N4BP2: variants seen among roughly 807,000 people sequenced by gnomAD.
N4BP2 encodes NEDD4 binding protein 2, also known as NEDD4-binding protein 2.
N4BP2 carries 91 observed loss-of-function variants against 152.8 expected under a neutral mutation model. That is an observed-to-expected ratio of 0.60 (90% CI 0.50 to 0.71). The LOEUF (loss-of-function observed/expected upper bound fraction) is 0.71, where lower values mean the gene tolerates loss of function less well. Ranked by LOEUF, N4BP2 falls within the 30% of genes least tolerant of loss-of-function variation. The pLI, the probability that N4BP2 is intolerant of heterozygous loss-of-function variation, is 0.00. For missense variants in N4BP2, 1,923 were observed against 2,059.1 expected (o/e 0.93, Z 1.28); for synonymous variants, 646 against 705.3 (o/e 0.92, Z 1.33).
At chr4:40,116,406 AT>A (rs1225852961) in intron 7 of N4BP2, among the ~76,000 whole-genome samples, 3 of 151,798 alleles carry the variant, frequency 2.0e-5, no homozygotes, top group African/African-American at 7.3e-5. Context: ...ATGTAGTTGG[AT>A]TTTTTTCCTA....
At chr4:40,170,630 C>CTCCAT in the N4BP2 span, among the ~76,000 whole-genome samples, 1 of 152,008 alleles carries the variant, frequency 6.6e-6, no homozygotes, top group Admixed American at 6.6e-5. Flanking sequence ...CCAAGTGAGA[C>CTCCAT]CCTGTCCCCC....
At chr4:40,173,349 A>G in the N4BP2 span, among the ~76,000 whole-genome samples, 1 of 152,296 alleles carries the variant, frequency 6.6e-6, no homozygotes, top group African/African-American at 2.4e-5. Flanking sequence ...ATGTAGTTGG[A>G]TGAAGATGAG....
At chr4:40,076,613 C>T (rs886633988) in intron 2 of N4BP2, among the ~76,000 whole-genome samples, 2 of 152,042 alleles carry the variant, frequency 1.3e-5, no homozygotes, top group Admixed American at 6.5e-5. Flanking sequence ...CTCAGCCTCC[C>T]GAGTAGCTGG....
At chr4:40,067,195 A>C in intron 1 of N4BP2, among the ~76,000 whole-genome samples, 1 of 151,502 alleles carries the variant, frequency 6.6e-6, no homozygotes, top group Non-Finnish European at 1.5e-5. Flanking sequence ...AGTAGCTGGA[A>C]CCACAGGTGT....
intron 6 of N4BP2, 56 bp downstream of exon 6, chr4:40,112,228 A>T: frequency 1.0e-6 from 1 of 974,134 alleles, no homozygotes; most frequent in African/African-American, 1.7e-5. Flanking sequence ...TTATTGGGGA[A>T]CATTAATTAT....
Position 40,102,881 on chromosome 4 carries a change from G to A in N4BP2, c.1036G>A (p.Val346Ile). ...GGGGAAGGATGTGAGTTACTGCCCG[G>A]TACTTGCTCCTCTCCCATTGCTGTT... ...TKGKDVSYCP[V>I]LAPLPLLLPP... The change falls in exon 4 of 18, where the codon GTA becomes ATA. Residue 346 changes from valine to isoleucine, a missense_variant. Val to Ile is a conservative substitution (Grantham distance 29, BLOSUM62 3). Coordinates refer to ENST00000261435, the MANE Select transcript of N4BP2 (RefSeq NM_018177.6). The A allele has an allele frequency of 6.2e-7, 1 of 1,614,176 alleles. No individual in the cohort carries two copies. The highest frequency in any genetic ancestry group is 1.1e-5 in the South Asian group (1 of 91,084).
the N4BP2 span, among the ~76,000 whole-genome samples, chr4:40,174,934 G>A: frequency 2.6e-5 from 4 of 151,062 alleles, no homozygotes; most frequent in South Asian, 2.1e-4. Context: ...TTGCTGCCAC[G>A]TGGGAACCTG....
intron 12 of N4BP2, among the ~76,000 whole-genome samples, chr4:40,129,830 A>T (rs773562794): frequency 6.6e-6 from 1 of 152,144 alleles, no homozygotes; most frequent in Admixed American, 6.5e-5. Flanking sequence ...TATACTTTGT[A>T]TATATTTTTT....
intron 13 of N4BP2, among the ~76,000 whole-genome samples, chr4:40,136,608 T>TG (rs1719429603): frequency 6.6e-6 from 1 of 152,044 alleles, no homozygotes; most frequent in African/African-American, 2.4e-5. Flanking sequence ...GCTAGTCTCT[T>TG]AACTCCTGAC....
At chr4:40,152,292 C>T (rs1041690949) in intron 16 of N4BP2, among the ~76,000 whole-genome samples, 1 of 152,154 alleles carries the variant, frequency 6.6e-6, no homozygotes, top group Non-Finnish European at 1.5e-5. Flanking sequence ...AGTAACTTGT[C>T]CATGGTCACA....
chr4:40,066,426 C>A (rs1233780231), intron 1 of N4BP2, among the ~76,000 whole-genome samples: 1 of 149,120 alleles, frequency 6.7e-6, no homozygotes, highest in Non-Finnish European at 1.5e-5. Flanking sequence ...TCAAGCAATT[C>A]TCTTGCCTCA....
In N4BP2 at chr4:40,117,871, G is replaced by T. The variant is rs749818029; in HGVS notation, c.1667G>T (p.Arg556Leu). Residue 556 changes from arginine (R) to leucine (L), a missense_variant and splice_region_variant, in exon 8 of 18, where the codon CGT becomes CTT. Coordinates refer to ENST00000261435, the MANE Select transcript of N4BP2 (RefSeq NM_018177.6). The part of the protein sequence containing the change: ...WKFKPKELAR[R>L]NIHGVSKEKI... ...CTTTTTTCCCCTGGAATTTTCAGGCGTAACATTCATGGGGTAAGCAAAGAA... is the reference window on the plus strand; with the variant it reads ...CTTTTTTCCCCTGGAATTTTCAGGCTTAACATTCATGGGGTAAGCAAAGAA... The T allele has an allele frequency of 2.5e-6, 4 of 1,596,154 alleles. No homozygotes were observed. The highest frequency in any genetic ancestry group is 1.7e-6 in the Non-Finnish European group (2 of 1,172,274).
intron 16 of N4BP2, among the ~76,000 whole-genome samples, chr4:40,147,628 C>CG (rs1222070447): frequency 3.4e-5 from 5 of 146,558 alleles, no homozygotes; most frequent in African/African-American, 1.3e-4. Context: ...GCTGGCCGGG[C>CG]GGGGGCTGAC....
intron 1 of N4BP2, among the ~76,000 whole-genome samples, chr4:40,061,132 CT>C (rs1034500612): frequency 2.0e-5 from 3 of 151,802 alleles, no homozygotes; most frequent in African/African-American, 7.3e-5. Context: ...TTTCTTAAAA[CT>C]TTATGCAAGC....
At chr4:40,111,240 T>C (rs182291948) in intron 5 of N4BP2, among the ~76,000 whole-genome samples, 1 of 152,312 alleles carries the variant, frequency 6.6e-6, no homozygotes, top group Non-Finnish European at 1.5e-5. Context: ...GAAATTGGTT[T>C]ATTATTATTA....
At chr4:40,132,778 T>C (rs1719013431) in intron 13 of N4BP2, among the ~76,000 whole-genome samples, 1 of 152,150 alleles carries the variant, frequency 6.6e-6, no homozygotes, top group South Asian at 2.1e-4. Flanking sequence ...TTTATTAATA[T>C]ATTTCATATC....
At chr4:40,174,759 G>A in the N4BP2 span, among the ~76,000 whole-genome samples, 5 of 152,192 alleles carry the variant, frequency 3.3e-5, no homozygotes, top group Non-Finnish European at 5.9e-5. Context: ...CCGAGATCGC[G>A]CCACTGCACT....
downstream of N4BP2, among the ~76,000 whole-genome samples, chr4:40,162,489 G>A (rs1276637260): frequency 1.3e-5 from 2 of 152,078 alleles, no homozygotes; most frequent in African/African-American, 4.8e-5. Context: ...GCTGGAGGAT[G>A]AGTATCAAAT....
Position 40,121,935 on chromosome 4 carries a change from G to A in N4BP2, c.3824G>A (p.Gly1275Glu). ...TEKNLVVTET[G>E]DNIHSPSHFS... ...AAAAACCTAGTAGTCACAGAGACTG[G>A]AGACAACATACATTCTCCTTCACAT... The change falls in exon 9 of 18, where the codon GGA becomes GAA. Residue 1275 changes from glycine (G) to glutamate (E), a missense_variant. Physicochemically the swap from Gly to Glu is moderately conservative, Grantham distance 98. Coordinates refer to ENST00000261435, the MANE Select transcript of N4BP2 (RefSeq NM_018177.6). 1 of 1,583,690 alleles carries A rather than the reference G, an allele frequency of 6.3e-7. No individual in the cohort carries two copies. The highest frequency in any genetic ancestry group is 1.4e-5 in the African/African-American group (1 of 73,062).
Sources: allele counts gnomAD v4.1 joint callset (sites outside exome capture counted in the v4.1 genomes callset), GRCh38; gene constraint gnomAD v4.1.1; transcripts MANE v1.5; gene names NCBI Gene and HGNC (gene_info 2026-07-23, HGNC 2026-07-21).